TBC1D30: variants seen among roughly 807,000 people sequenced by gnomAD.
TBC1D30 encodes TBC1 domain family, member 30.
Under a neutral mutation model 63.2 loss-of-function variants are expected in TBC1D30, and 31 were observed. That is an observed-to-expected ratio of 0.49 (90% CI 0.37 to 0.66). The LOEUF (loss-of-function observed/expected upper bound fraction) is 0.66, where lower values mean the gene tolerates loss of function less well. Ranked by LOEUF, TBC1D30 falls within the 30% of genes least tolerant of loss-of-function variation. TBC1D30 has a pLI of 0.00. For synonymous variants in TBC1D30, 307 were observed against 361.5 expected (o/e 0.85, Z 1.71); for missense variants, 810 against 953.6 (o/e 0.85, Z 1.98).
In TBC1D30 at chr12:64,878,435, T is replaced by A; in HGVS notation, c.*2647T>A. The A allele has an allele frequency of 2.2e-6, 1 of 456,724 alleles. No individual in the cohort carries two copies. The highest frequency in any genetic ancestry group is 2.0e-5 in the African/African-American group (1 of 50,206). The allele number at this position is 456,724 out of a possible 1,614,324, so 28.3% of individuals were successfully genotyped here. A position where few individuals can be genotyped will look rare whatever the true frequency, so the allele number is the denominator to read the frequency against. ...TATGTCTGTAGCCTCTTAGCCCTTTTGCCGGGAATCAACTCATTCTGATGC... is the reference window on the plus strand; with the variant it reads ...TATGTCTGTAGCCTCTTAGCCCTTTAGCCGGGAATCAACTCATTCTGATGC... On this transcript the variant is annotated 3_prime_UTR_variant, in exon 12 of 12. Coordinates refer to ENST00000539867, the MANE Select transcript of TBC1D30 (RefSeq NM_015279.2).
At chr12:64,861,864 C>G (rs1328758048) in intron 8 of TBC1D30, among the ~76,000 whole-genome samples, 1 of 152,130 alleles carries the variant, frequency 6.6e-6, no homozygotes, top group Non-Finnish European at 1.5e-5. Flanking sequence ...GCAGGACTTT[C>G]CTTTGCACCC....
At chr12:64,850,183 G>A (rs1274270042) in intron 8 of TBC1D30, among the ~76,000 whole-genome samples, 1 of 152,170 alleles carries the variant, frequency 6.6e-6, no homozygotes, top group Non-Finnish European at 1.5e-5. Context: ...CTGAGATGAT[G>A]GGGTTTTCTA....
At chr12:64,839,959 C>G (rs1026036208) in intron 7 of TBC1D30, among the ~76,000 whole-genome samples, 4 of 136,968 alleles carry the variant, frequency 2.9e-5, no homozygotes, top group African/African-American at 1.2e-4. Flanking sequence ...GAGCCGAGAT[C>G]GTGCCACTGC....
intron 8 of TBC1D30, among the ~76,000 whole-genome samples, chr12:64,862,219 T>C (rs1877850463): frequency 6.6e-6 from 1 of 152,198 alleles, no homozygotes; most frequent in Admixed American, 6.5e-5. Context: ...GGCCTAAAGA[T>C]TTCCGACACC....
exon 2 of TBC1D30, chr12:64,785,977 T>G (rs1421614685): frequency 1.6e-6 from 2 of 1,289,742 alleles, no homozygotes; most frequent in East Asian, 1.1e-4. Context: ...AAAGATAGGC[T>G]TCTGCATAAA....
At chr12:64,829,631 G>A (rs1874665386) in intron 3 of TBC1D30, among the ~76,000 whole-genome samples, 1 of 152,180 alleles carries the variant, frequency 6.6e-6, no homozygotes, top group African/African-American at 2.4e-5. Flanking sequence ...TCTGAGGTTA[G>A]GAGAGAAGTC....
At chr12:64,827,931 G>A in intron 2 of TBC1D30, 35 bp downstream of exon 2, 1 of 1,407,206 alleles carries the variant, frequency 7.1e-7, no homozygotes, top group Admixed American at 2.0e-5. Flanking sequence ...TTCTTTTGGG[G>A]TTACCAACAG....
chr12:64,877,960 G>A lies in TBC1D30; in HGVS notation c.*2172G>A, dbSNP rs1879205333. 6.3e-6 allele frequency: 1 copy of A among 158,214 alleles called. No individual in the cohort carries two copies. Among genetic ancestry groups the A allele is most frequent in the Admixed American group, 6.0e-5 (1 of 16,570 alleles). The allele number at this position is 158,214 out of a possible 1,614,324, so 9.8% of individuals were successfully genotyped here. On this transcript the variant is annotated 3_prime_UTR_variant, in exon 12 of 12. Transcript: ENST00000539867. ...GCCACTTATACAAGTCCTTGGGATTGTACCATTGCTGTCCACAAACTTAGT... is the reference window on the plus strand; with the variant it reads ...GCCACTTATACAAGTCCTTGGGATTATACCATTGCTGTCCACAAACTTAGT...
intron 8 of TBC1D30, among the ~76,000 whole-genome samples, chr12:64,862,744 T>G (rs915435397): frequency 6.6e-6 from 1 of 152,242 alleles, no homozygotes; most frequent in Non-Finnish European, 1.5e-5. Flanking sequence ...TCTCATCTTT[T>G]AAAGTTGAAT....
Position 64,831,979 on chromosome 12 carries a change from C to T in TBC1D30, c.409-140C>T, listed in dbSNP as rs1169755038. 21 of 666,344 alleles carry T rather than the reference C, an allele frequency of 3.2e-5. No homozygotes were observed. In the East Asian group the frequency reaches 4.9e-4, roughly 16 times the overall value. 41.3% of individuals were successfully genotyped at this position (666,344 alleles called of 1,614,324 possible). The stretch of plus-strand genomic sequence containing the variant: ...AGAAAGCTAAAAATGCATTTTGGCT[C>T]ATATGTATAAAAACATACACATTTT... On this transcript the variant is annotated intron_variant, in intron 4 of 11. Coordinates refer to ENST00000539867, the MANE Select transcript of TBC1D30 (RefSeq NM_015279.2).
upstream of TBC1D30, among the ~76,000 whole-genome samples, chr12:64,779,543 AG>A (rs2136287063): frequency 6.6e-6 from 1 of 152,272 alleles, no homozygotes; most frequent in South Asian, 2.1e-4. Flanking sequence ...AAGGTACACC[AG>A]ATTTCTACCG....
chr12:64,823,011 AC>A (rs1369298225), upstream of TBC1D30, among the ~76,000 whole-genome samples: 1 of 151,826 alleles, frequency 6.6e-6, no homozygotes, highest in African/African-American at 2.4e-5. Flanking sequence ...TTACTTCTAA[AC>A]CTATTCAATG....
In TBC1D30 at chr12:64,824,790, C is replaced by A; in HGVS notation, c.-90C>A. ...CACGGGCCGGTCAGCCGCAGACACTCACCCAGCTCCGCGAGCTCAGCCGCT... is the reference window on the plus strand; with the variant it reads ...CACGGGCCGGTCAGCCGCAGACACTAACCCAGCTCCGCGAGCTCAGCCGCT... On this transcript the variant is annotated 5_prime_UTR_variant, in exon 1 of 12. Transcript: ENST00000539867. 1 of 1,462,508 alleles carries A rather than the reference C, an allele frequency of 6.8e-7. No homozygotes were observed. Among genetic ancestry groups the A allele is most frequent in the Non-Finnish European group, 9.1e-7 (1 of 1,102,582 alleles). The allele number at this position is 1,462,508 out of a possible 1,614,324, so 90.6% of individuals were successfully genotyped here.
In TBC1D30 at chr12:64,864,772, A is replaced by G; in HGVS notation, c.1143A>G (p.Ser381=). The change falls in exon 9 of 12, where the codon TCA becomes TCG. Residue 381 remains serine, a synonymous_variant. Transcript: ENST00000539867. The stretch of plus-strand genomic sequence containing the variant: ...TCCCAGCCACAGTTAAACCCACCTC[A>G]GTTTCTGGGTAAGGTTTTTAAATTC... The part of the protein sequence containing the change: ...TPFPATVKPT[S]VSGRHSKARD... The G allele has an allele frequency of 6.5e-7, 1 of 1,533,970 alleles. No individual in the cohort carries two copies. The highest frequency in any genetic ancestry group is 8.7e-7 in the Non-Finnish European group (1 of 1,145,158).
rs1369060590 is a variant in TBC1D30 at position 64,832,280 on chromosome 12, A to G, written c.570A>G (p.Glu190=). Residue 190 remains glutamate (E), a synonymous_variant, in exon 5 of 12, where the codon GAA becomes GAG. Coordinates refer to ENST00000539867, the MANE Select transcript of TBC1D30 (RefSeq NM_015279.2). ...CTGCACTAATTCTGGAAGTGATGGA[A>G]GGCAATGAAGGGGATGCCCTGAAAG... ...ILAALILEVM[E]GNEGDALKIM... is the part of the protein sequence containing the mutation. The G allele has an allele frequency of 5.2e-6, 8 of 1,535,990 alleles. No homozygotes were observed. The highest frequency in any genetic ancestry group is 7.0e-6 in the Non-Finnish European group (8 of 1,146,900).
At position 64,759,634 on chromosome 12, in the gene TBC1D30, G is replaced by C. The variant is rs1260853261; in HGVS notation, c.-391G>C. 7.2e-5 allele frequency: 22 copies of C among 305,182 alleles called. No individual in the cohort carries two copies. In the South Asian group the frequency reaches 1.0e-3, roughly 14 times the overall value. 18.9% of individuals were successfully genotyped at this position (305,182 alleles called of 1,614,324 possible). A position where few individuals can be genotyped will look rare whatever the true frequency, so the allele number is the denominator to read the frequency against. ...AACCGGGAAAAGGGCGGAGAACCGG[G>C]AAAAGGTCAAGACCTGTACGTACCT... On this transcript the variant is annotated 5_prime_UTR_variant, in exon 1 of 14. Coordinates refer to the TBC1D30 transcript ENST00000674237.
chr12:64,852,983 G>GACTC, intron 8 of TBC1D30, among the ~76,000 whole-genome samples: 1 of 152,320 alleles, frequency 6.6e-6, no homozygotes, highest in Middle Eastern at 3.4e-3. Context: ...CCCACTTGAG[G>GACTC]AGGCAGTCTA....
At chr12:64,764,883 T>TAA (rs1026753059) in intron 1 of TBC1D30, among the ~76,000 whole-genome samples, 5 of 152,128 alleles carry the variant, frequency 3.3e-5, no homozygotes, top group Non-Finnish European at 7.4e-5. Context: ...CAAGGTAATG[T>TAA]AAAACAAATA....
At chr12:64,834,477 T>G (rs140662066) in intron 5 of TBC1D30, among the ~76,000 whole-genome samples, 4,449 of 150,280 alleles carry the variant, frequency 0.03, 201 homozygotes, top group African/African-American at 0.1. Flanking sequence ...CATGATCTTG[T>G]CTCACTGCAA....
Sources: allele counts gnomAD v4.1 joint callset (sites outside exome capture counted in the v4.1 genomes callset), GRCh38; gene constraint gnomAD v4.1.1; transcripts MANE v1.5; gene names NCBI Gene and HGNC (gene_info 2026-07-23, HGNC 2026-07-21).